Variants in SHROOM3 observed in about 807,000 individuals in gnomAD.
The protein encoded by SHROOM3 is protein Shroom3.
SHROOM3 carries 47 observed loss-of-function variants against 138.6 expected under a neutral mutation model. The ratio of observed to expected loss-of-function variants is 0.34; its 90% CI spans 0.27 to 0.43. The LOEUF (loss-of-function observed/expected upper bound fraction) is 0.43. SHROOM3 is among the 20% of genes least tolerant of loss of function. The pLI, the probability that SHROOM3 is intolerant of heterozygous loss-of-function variation, is 1.00. For missense variants in SHROOM3, 2,491 were observed against 2,596.5 expected (o/e 0.96, Z 0.88); for synonymous variants, 1,062 against 1,063.3 (o/e 1.00, Z 0.02).
At chr4:76,719,527 G>C (rs1720473296) in intron 3 of SHROOM3, among the ~76,000 whole-genome samples, 1 of 152,170 alleles carries the variant, frequency 6.6e-6, no homozygotes, top group Admixed American at 6.5e-5. Context: ...ACACATCATA[G>C]ATATTACAAT....
At chr4:76,547,746 A>G (rs903682990) in intron 1 of SHROOM3, among the ~76,000 whole-genome samples, 1 of 151,998 alleles carries the variant, frequency 6.6e-6, no homozygotes, top group Non-Finnish European at 1.5e-5. Context: ...CCTGGCCAAC[A>G]TGGTGAAACC....
At chr4:76,726,194 C>T (rs1720699469) in intron 3 of SHROOM3, among the ~76,000 whole-genome samples, 1 of 152,078 alleles carries the variant, frequency 6.6e-6, no homozygotes, top group Admixed American at 6.6e-5. Flanking sequence ...TCACTCTCCC[C>T]ACTAGAAATC....
chr4:76,778,711 A>C, intron 10 of SHROOM3, 98 bp from the exon 11 acceptor site: 4 of 1,525,568 alleles, frequency 2.6e-6, no homozygotes, highest in Non-Finnish European at 3.6e-6. Context: ...AATAGAGCTT[A>C]GATATTTCCC....
At position 76,740,203 on chromosome 4, in the gene SHROOM3, G is replaced by T. The variant is rs532203104; in HGVS notation, c.2030G>T (p.Ser677Ile). 4.3e-6 allele frequency: 7 copies of T among 1,613,614 alleles called. No homozygotes were observed. The highest frequency in any genetic ancestry group is 5.9e-6 in the Non-Finnish European group (7 of 1,180,044). The change falls in exon 5 of 11, where the codon AGC (serine) becomes ATC (isoleucine). Residue 677 changes from serine to isoleucine, a missense_variant. Around this residue, in one of 4 missense-constraint regions of SHROOM3, gnomAD observed 1,733 missense variants for 1,661.6 expected, o/e 1.04. Transcript: ENST00000296043. The surrounding 1 kb of genome is among the most constrained non-coding windows in gnomAD (Gnocchi z 4.0). ...NIPESLRRHS[S>I]LELGRGTQEG... The stretch of plus-strand genomic sequence containing the variant: ...CCTGAGAGTCTGAGAAGACACAGCA[G>T]CCTGGAGCTAGGCCGGGGAACCCAG...
intron 1 of SHROOM3, among the ~76,000 whole-genome samples, chr4:76,552,140 G>A (rs916741093): frequency 3.3e-5 from 5 of 150,856 alleles, no homozygotes; most frequent in African/African-American, 1.2e-4. Flanking sequence ...GGGATTACAG[G>A]CATGAGCCAC....
At chr4:76,611,320 A>AT (rs11353300) in intron 2 of SHROOM3, among the ~76,000 whole-genome samples, 19 of 149,452 alleles carry the variant, frequency 1.3e-4, no homozygotes, top group African/African-American at 2.0e-4. Context: ...AGTGTGAAGG[A>AT]TTTTTTTTTT....
At chr4:76,512,816 G>A (rs1732365945) in intron 1 of SHROOM3, among the ~76,000 whole-genome samples, 2 of 152,176 alleles carry the variant, frequency 1.3e-5, no homozygotes, top group Admixed American at 1.3e-4. Flanking sequence ...ACAGACCAGA[G>A]ATATGACCAA....
intron 1 of SHROOM3, among the ~76,000 whole-genome samples, chr4:76,503,963 T>C: frequency 6.6e-6 from 1 of 152,124 alleles, no homozygotes. Context: ...CCCAATTCTA[T>C]AGCCCTTTCC....
chr4:76,526,291 T>A (rs1732687726), intron 1 of SHROOM3, among the ~76,000 whole-genome samples: 1 of 152,088 alleles, frequency 6.6e-6, no homozygotes, highest in Non-Finnish European at 1.5e-5. Flanking sequence ...TGCTTGAACC[T>A]GGCAGGCAGA....
intron 1 of SHROOM3, among the ~76,000 whole-genome samples, chr4:76,535,265 A>G (rs1221364922): frequency 6.6e-6 from 1 of 152,214 alleles, no homozygotes; most frequent in Non-Finnish European, 1.5e-5. Flanking sequence ...GTACTGATGA[A>G]GAAAAGTACC....
In SHROOM3 at chr4:76,770,676, G is replaced by T; in HGVS notation, c.5400G>T (p.Ala1800=). ...ACAAGCTGGAGACCCTCCAGGAGGC[G>T]AAGGGGAGCCTGCTCACGGACATCA... is the stretch of plus-strand genomic sequence containing the variant. ...LTHKLETLQE[A]KGSLLTDIKL... Residue 1800 remains alanine, a synonymous_variant, in exon 10 of 11, where the codon GCG becomes GCT. Transcript: ENST00000296043. The T allele has an allele frequency of 6.2e-7, 1 of 1,614,178 alleles. No homozygotes were observed. The highest frequency in any genetic ancestry group is 8.5e-7 in the Non-Finnish European group (1 of 1,180,042).
chr4:76,561,752 G>T (rs982578988), intron 2 of SHROOM3, among the ~76,000 whole-genome samples: 3 of 151,036 alleles, frequency 2.0e-5, no homozygotes, highest in Admixed American at 2.0e-4. Context: ...GCTCACGTCT[G>T]TAATCCCAGC....
At chr4:76,671,578 A>G (rs1439715818) in intron 2 of SHROOM3, among the ~76,000 whole-genome samples, 1 of 152,102 alleles carries the variant, frequency 6.6e-6, no homozygotes, top group African/African-American at 2.4e-5. Flanking sequence ...TAATCTCTAT[A>G]TCTCTGTTTA....
At chr4:76,587,052 C>T (rs948941064) in intron 2 of SHROOM3, 3 of 152,126 alleles carry the variant, frequency 2.0e-5, no homozygotes, top group South Asian at 2.1e-4. Flanking sequence ...CAGAGAAGGT[C>T]GGATTATAAA....
intron 1 of SHROOM3, among the ~76,000 whole-genome samples, chr4:76,460,827 C>CAAAAAAA (rs58793404): frequency 7.6e-5 from 6 of 78,772 alleles, no homozygotes; most frequent in Non-Finnish European, 1.5e-4. Flanking sequence ...CCCGTATCTA[C>CAAAAAAA]AAAAAAAAAA....
chr4:76,520,302 GTC>G (rs1732535807), intron 1 of SHROOM3, among the ~76,000 whole-genome samples: 1 of 152,116 alleles, frequency 6.6e-6, no homozygotes, highest in South Asian at 2.1e-4. Flanking sequence ...GTCGCAACAA[GTC>G]TCTCTGTTAT....
chr4:76,530,672 G>C (rs565596696), intron 1 of SHROOM3, among the ~76,000 whole-genome samples: 19 of 152,300 alleles, frequency 1.2e-4, no homozygotes, highest in African/African-American at 4.6e-4. Context: ...AGAAACCCCA[G>C]GGAAAGGTTT....
intron 3 of SHROOM3, among the ~76,000 whole-genome samples, chr4:76,714,529 T>A (rs1013556980): frequency 6.6e-6 from 1 of 152,208 alleles, no homozygotes. Context: ...TAACCTTGAT[T>A]ACTTGGTTAT....
chr4:76,725,778 A>G (rs755495738), intron 3 of SHROOM3, among the ~76,000 whole-genome samples: 1 of 152,098 alleles, frequency 6.6e-6, no homozygotes, highest in Non-Finnish European at 1.5e-5. Context: ...TTCCTCCTCC[A>G]TAAGCTCATA....
Sources: gnomAD v4.1 joint callset for allele counts (sites outside exome capture counted in the v4.1 genomes callset) on GRCh38, gnomAD v4.1.1 for gene constraint, gnomAD v4.1.1 regional missense constraint, Gnocchi (gnomAD v3.1) non-coding constraint, MANE v1.5 for transcripts, NCBI Gene and HGNC (gene_info 2026-07-23, HGNC 2026-07-21) for gene names.